CFAP20DC: variants seen among roughly 807,000 people sequenced by gnomAD.
The protein encoded by CFAP20DC is protein CFAP20DC.
Under a neutral mutation model 101.7 loss-of-function variants are expected in CFAP20DC, and 84 were observed. The observed-to-expected ratio is 0.83, with a 90% CI of 0.69 to 0.99. The LOEUF (loss-of-function observed/expected upper bound fraction) is 0.99, where lower values mean the gene tolerates loss of function less well. Among genes scored for constraint, CFAP20DC ranks in the 50% least tolerant of loss-of-function variants. The pLI, the probability that CFAP20DC is intolerant of heterozygous loss-of-function variation, is 0.00. For missense variants in CFAP20DC, 1,007 were observed against 970.3 expected (o/e 1.04, Z -0.50); for synonymous variants, 359 against 351.2 (o/e 1.02, Z -0.25).
At position 58,868,528 on chromosome 3, in the gene CFAP20DC, T is replaced by C. The variant is rs1339128082; in HGVS notation, c.1016-592A>G. Among the ~76,000 whole-genome samples the C allele has an allele frequency of 6.6e-6, 1 of 152,288 alleles. No homozygotes were observed. Among genetic ancestry groups the C allele is most frequent in the East Asian group, 1.9e-4 (1 of 5,184 alleles). Reference sequence around the variant, plus strand: ...TGAGGCACCTGTTATTTATTATTAGTATTAGTGCCAGTAGTAATGCCATTC... The same window carrying C: ...TGAGGCACCTGTTATTTATTATTAGCATTAGTGCCAGTAGTAATGCCATTC... On this transcript the variant is annotated intron_variant, in intron 9 of 16. Coordinates refer to ENST00000482387, the MANE Select transcript of CFAP20DC (RefSeq NM_001394063.1). The surrounding 1 kb of genome is among the most constrained non-coding windows in gnomAD (Gnocchi z 4.6).
chr3:58,835,586 A>C (rs1249241497), intron 13 of CFAP20DC, among the ~76,000 whole-genome samples: 1 of 152,216 alleles, frequency 6.6e-6, no homozygotes, highest in African/African-American at 2.4e-5. Context: ...CTGCATTTCC[A>C]TGACTTTATT....
chr3:58,779,312 G>T (rs1311930334), intron 15 of CFAP20DC, among the ~76,000 whole-genome samples: 1 of 152,114 alleles, frequency 6.6e-6, no homozygotes, highest in Non-Finnish European at 1.5e-5. Context: ...AAAATAAAGG[G>T]ATGGAAAAGA....
At chr3:58,839,717 T>C (rs908126816) in intron 13 of CFAP20DC, among the ~76,000 whole-genome samples, 2 of 152,216 alleles carry the variant, frequency 1.3e-5, no homozygotes, top group African/African-American at 2.4e-5. Flanking sequence ...CTCATACTTC[T>C]GATAGCACCT....
rs2079950365 is a variant in CFAP20DC, at chr3:58,869,392, A to C, written c.951T>G (p.Pro317=). 1 of 1,613,540 alleles carries C rather than the reference A, an allele frequency of 6.2e-7. No individual in the cohort carries two copies. The highest frequency in any genetic ancestry group is 1.7e-5 in the Admixed American group (1 of 59,998). ...CTTTATTTCCTTGTTCCTCAGACTCAGGTATCAGCAAGGCTGACATTTCTG... is the reference window on the plus strand; with the variant it reads ...CTTTATTTCCTTGTTCCTCAGACTCCGGTATCAGCAAGGCTGACATTTCTG... The part of the protein sequence containing the change: ...NGTEMSALLI[P]ESEEQGNKEN... The change falls in exon 9 of 17, where the codon CCT becomes CCG. Residue 317 remains proline (P), a synonymous_variant. Transcript: ENST00000482387. This position sits in a 1 kb window ranked among gnomAD's most constrained non-coding sequence, Gnocchi z 4.3.
chr3:58,996,507 A>G (rs994138210), intron 4 of CFAP20DC, among the ~76,000 whole-genome samples: 3 of 152,200 alleles, frequency 2.0e-5, no homozygotes, highest in Non-Finnish European at 4.4e-5. Context: ...AAATCCACAA[A>G]CTTCGTTATT....
chr3:58,792,447 A>C (rs549852515), intron 15 of CFAP20DC, among the ~76,000 whole-genome samples: 2 of 152,238 alleles, frequency 1.3e-5, no homozygotes, highest in Non-Finnish European at 2.9e-5. Flanking sequence ...TATTAGAATA[A>C]AAACTATTTC....
intron 7 of CFAP20DC, among the ~76,000 whole-genome samples, chr3:58,870,894 C>CAAAAAAAAAA (rs548763648): frequency 2.6e-4 from 5 of 18,946 alleles, no homozygotes; most frequent in Non-Finnish European, 3.2e-4. Context: ...GACTCCGTCT[C>CAAAAAAAAAA]AAAAAAAAAA....
At chr3:58,844,876 C>T (rs1286359500) in intron 13 of CFAP20DC, among the ~76,000 whole-genome samples, 181 of 142,514 alleles carry the variant, frequency 1.3e-3, no homozygotes, top group African/African-American at 4.7e-3. Flanking sequence ...AACCGCTCAA[C>T]TACGTGGAAA....
chr3:58,940,664 A>G (rs971517701), intron 4 of CFAP20DC, among the ~76,000 whole-genome samples: 1 of 152,336 alleles, frequency 6.6e-6, no homozygotes, highest in Middle Eastern at 3.4e-3. Context: ...TCTTATACCA[A>G]TAATACACTA....
At chr3:58,748,668 T>C (rs1451647819) in intron 16 of CFAP20DC, among the ~76,000 whole-genome samples, 1 of 152,184 alleles carries the variant, frequency 6.6e-6, no homozygotes, top group Non-Finnish European at 1.5e-5. Flanking sequence ...GGGGGTGCTA[T>C]GGGTCTAAGA....
Position 58,914,975 on chromosome 3 carries a change from G to T in CFAP20DC, c.394-1111C>A, listed in dbSNP as rs1406095270. The T allele has an allele frequency of 6.6e-6, 1 of 152,174 alleles. No individual in the cohort carries two copies. The highest frequency in any genetic ancestry group is 1.5e-5 in the Non-Finnish European group (1 of 68,052). The allele number at this position is 152,174 out of a possible 1,614,324, so 9.4% of individuals were successfully genotyped here. On this transcript the variant is annotated intron_variant, in intron 5 of 16. Coordinates refer to ENST00000482387, the MANE Select transcript of CFAP20DC (RefSeq NM_001394063.1). This position sits in a 1 kb window ranked among gnomAD's most constrained non-coding sequence, Gnocchi z 4.9. ...AATAGTGTGATTGGCTTGACTGGCA[G>T]AATGGTGAACACTGGAGCGGAATGA...
chr3:58,877,164 TCA>T (rs2080821321), intron 7 of CFAP20DC, among the ~76,000 whole-genome samples: 1 of 152,302 alleles, frequency 6.6e-6, no homozygotes, highest in South Asian at 2.1e-4. Flanking sequence ...GTAAGTCTGT[TCA>T]CAGTCATTTA....
chr3:59,030,364 C>T (rs6766732), intron 4 of CFAP20DC, among the ~76,000 whole-genome samples: 36,005 of 152,116 alleles, frequency 0.24, 4,860 homozygotes, highest in African/African-American at 0.37. Context: ...ATCTCTGTCA[C>T]TACTTCCTAA....
intron 3 of CFAP20DC, among the ~76,000 whole-genome samples, chr3:59,045,093 C>T (rs1699742381): frequency 6.6e-6 from 1 of 151,058 alleles, no homozygotes; most frequent in African/African-American, 2.4e-5. Flanking sequence ...GATATCTCTT[C>T]TTTTTTTTTC....
At chr3:58,893,475 T>C (rs564776406) in intron 6 of CFAP20DC, among the ~76,000 whole-genome samples, 1 of 152,368 alleles carries the variant, frequency 6.6e-6, no homozygotes, top group African/African-American at 2.4e-5. Context: ...CCTTGCATAC[T>C]GGGGATAAAG....
intron 3 of CFAP20DC, among the ~76,000 whole-genome samples, chr3:58,730,449 TAAG>T (rs1269830856): frequency 6.6e-6 from 1 of 152,032 alleles, no homozygotes; most frequent in African/African-American, 2.4e-5. Context: ...AATGAGACAA[TAAG>T]AAATGATGGT....
rs1157849263 is a variant in CFAP20DC, at chr3:58,807,828, A to C, written c.2176-1372T>G. On this transcript the variant is annotated intron_variant, in intron 14 of 16. Coordinates refer to ENST00000482387, the MANE Select transcript of CFAP20DC (RefSeq NM_001394063.1). ...TTAAAAACTTTGAAAAAAATTTAGA[A>C]GAATGTATAACTAGAATAACCAATA... Among the ~76,000 whole-genome samples the C allele has an allele frequency of 4.6e-5, 7 of 152,328 alleles. No individual in the cohort carries two copies. In the East Asian group the frequency reaches 5.8e-4, roughly 13 times the overall value.
chr3:58,810,886 C>A (rs1320923667), intron 14 of CFAP20DC, among the ~76,000 whole-genome samples: 1 of 151,742 alleles, frequency 6.6e-6, no homozygotes, highest in Non-Finnish European at 1.5e-5. Flanking sequence ...GTACAAAAAT[C>A]ACAAGCATTC....
chr3:58,856,258 A>C (rs1379422505), intron 12 of CFAP20DC, among the ~76,000 whole-genome samples: 1 of 132,252 alleles, frequency 7.6e-6, no homozygotes, highest in African/African-American at 2.8e-5. Context: ...CACTAGCTTC[A>C]TCTTCTGACA....
Sources: allele counts gnomAD v4.1 joint callset (sites outside exome capture counted in the v4.1 genomes callset), GRCh38; gene constraint gnomAD v4.1.1; non-coding constraint Gnocchi (gnomAD v3.1); transcripts MANE v1.5; gene names NCBI Gene and HGNC (gene_info 2026-07-23, HGNC 2026-07-21).